Variants in BPHL observed in about 807,000 individuals in gnomAD.
The protein encoded by BPHL is serine hydrolase BPHL.
BPHL carries 27 observed loss-of-function variants against 31.2 expected under a neutral mutation model. The ratio of observed to expected loss-of-function variants is 0.87; its 90% CI spans 0.64 to 1.19. The LOEUF is 1.19. Ranked by LOEUF, BPHL falls within the 50% of genes most tolerant of loss-of-function variation. The pLI, the probability that BPHL is intolerant of heterozygous loss-of-function variation, is 0.00. For synonymous variants in BPHL, 150 were observed against 146.8 expected, an observed-to-expected ratio of 1.02 and a Z score of -0.16; for missense variants, 356 against 375.7, an observed-to-expected ratio of 0.95 and a Z score of 0.43.
intron 4 of BPHL, among the ~76,000 whole-genome samples, chr6:3,137,103 C>G (rs1246489775): frequency 6.6e-6 from 1 of 151,736 alleles, no homozygotes; most frequent in African/African-American, 2.4e-5. Context: ...TAGTGTAGGC[C>G]CTGGGGTACA....
At chr6:3,144,802 A>G (rs959280985) in intron 6 of BPHL, among the ~76,000 whole-genome samples, 3 of 152,202 alleles carry the variant, frequency 2.0e-5, no homozygotes, top group African/African-American at 2.4e-5. Context: ...TGCTCAGTGC[A>G]TGTTGAAAGA....
chr6:3,152,644 TGCCTTTGAAACTCTCC>T lies in BPHL; in HGVS notation c.*82_*97del, dbSNP rs1762557637. The T allele has an allele frequency of 2.7e-5, 38 of 1,413,126 alleles. No individual in the cohort carries two copies. The South Asian group carries it at 4.2e-4, about 16-fold the overall frequency. 87.5% of individuals were successfully genotyped at this position (1,413,126 alleles called of 1,614,324 possible). On this transcript the variant is annotated 3_prime_UTR_variant, in exon 7 of 7. Coordinates refer to ENST00000380379, the MANE Select transcript of BPHL (RefSeq NM_004332.4). The stretch of plus-strand genomic sequence containing the variant: ...ATCGTGTTGCTGCCTGTTAACATGA[TGCCTTTGAAACTCTCC>T]GCCTTTGAAACTTTCTACCCCTCCC...
At chr6:3,151,318 A>G (rs1197754272) in intron 6 of BPHL, among the ~76,000 whole-genome samples, 1 of 152,176 alleles carries the variant, frequency 6.6e-6, no homozygotes, top group African/African-American at 2.4e-5. Context: ...GGTGCAACTC[A>G]TCCTTCTTTT....
At chr6:3,141,699 C>G (rs939848785) in intron 6 of BPHL, among the ~76,000 whole-genome samples, 1 of 152,018 alleles carries the variant, frequency 6.6e-6, no homozygotes, top group Non-Finnish European at 1.5e-5. Context: ...AGGGGCTGGG[C>G]ACAGTGGCTC....
intron 5 of BPHL, among the ~76,000 whole-genome samples, chr6:3,137,867 AT>A (rs1476865762): frequency 6.6e-6 from 1 of 152,166 alleles, no homozygotes; most frequent in Non-Finnish European, 1.5e-5. Flanking sequence ...TGTGTACAAT[AT>A]TTTTTCCTTT....
intron 6 of BPHL, among the ~76,000 whole-genome samples, chr6:3,151,732 C>T (rs1290417159): frequency 3.3e-5 from 5 of 152,188 alleles, no homozygotes; most frequent in African/African-American, 9.7e-5. Context: ...GCTAATAAGT[C>T]AAATGTAGAA....
intron 6 of BPHL, among the ~76,000 whole-genome samples, chr6:3,145,579 T>TC: frequency 3.6e-5 from 2 of 55,648 alleles, no homozygotes; most frequent in South Asian, 5.2e-4. Flanking sequence ...CTGGTGTGGG[T>TC]CGGAGTGCTG....
upstream of BPHL, chr6:3,118,530 T>C (rs532132758): frequency 1.8e-5 from 7 of 387,770 alleles, no homozygotes; most frequent in South Asian, 1.4e-4. Flanking sequence ...GTGCCGGCGG[T>C]TCCAGGACTG....
chr6:3,118,528 G>C (rs2231354), upstream of BPHL: 3,995 of 386,692 alleles, frequency 0.01, 113 homozygotes, highest in African/African-American at 0.063. Flanking sequence ...GGGTGCCGGC[G>C]GTTCCAGGAC....
chr6:3,148,116 A>C (rs776166606), intron 6 of BPHL, among the ~76,000 whole-genome samples: 4 of 152,230 alleles, frequency 2.6e-5, no homozygotes, highest in Non-Finnish European at 5.9e-5. Context: ...TAGCCCAGTC[A>C]AGTTGACACA....
chr6:3,119,357 T>C, intron 1 of BPHL: 1 of 1,567,450 alleles, frequency 6.4e-7, no homozygotes, highest in South Asian at 1.2e-5. Flanking sequence ...TCTCTTTGCT[T>C]GCTGATCTCG....
intron 6 of BPHL, among the ~76,000 whole-genome samples, chr6:3,150,368 A>G (rs1762488189): frequency 1.3e-5 from 2 of 152,172 alleles, no homozygotes; most frequent in Non-Finnish European, 2.9e-5. Context: ...CATCTCACCT[A>G]TGGCATTTTG....
Position 3,119,144 on chromosome 6 carries a change from G to A in BPHL, c.107+297G>A. ...TCAGTGTGCAGACCAGAGAGACCCA[G>A]GGAGATACATTTGCCTGTAGTATGG... On this transcript the variant is annotated intron_variant, in intron 1 of 6. Transcript: ENST00000380379. 1.3e-5 allele frequency: 10 copies of A among 781,438 alleles called. No individual in the cohort carries two copies. In the South Asian group the frequency reaches 1.6e-4, roughly 13 times the overall value. 48.4% of individuals were successfully genotyped at this position (781,438 alleles called of 1,614,324 possible). A position where few individuals can be genotyped will look rare whatever the true frequency, so the allele number is the denominator to read the frequency against.
rs147676961 is a variant in BPHL at position 3,134,122 on chromosome 6, C to T, written c.533-3240C>T. On this transcript the variant is annotated intron_variant, in intron 4 of 6. Coordinates refer to ENST00000380379, the MANE Select transcript of BPHL (RefSeq NM_004332.4). ...CATTTGAGTTTCTTCTGTATTATAT[C>T]CATGTATTTTTATTGGTGAAAAGTT... is the stretch of plus-strand genomic sequence containing the variant. Among the ~76,000 whole-genome samples, 524 of 152,170 alleles carry T rather than the reference C, an allele frequency of 3.4e-3. 1 individual carries two copies. Among genetic ancestry groups the T allele is most frequent in the African/African-American group, 0.012 (501 of 41,508 alleles).
chr6:3,136,296 A>G (rs931809242), intron 4 of BPHL, among the ~76,000 whole-genome samples: 1 of 152,058 alleles, frequency 6.6e-6, no homozygotes, highest in Non-Finnish European at 1.5e-5. Context: ...TTCTTCCTAC[A>G]TCTTCTCCCC....
intron 6 of BPHL, among the ~76,000 whole-genome samples, chr6:3,146,535 T>G (rs1454906526): frequency 1.1e-3 from 6 of 5,498 alleles, no homozygotes; most frequent in African/African-American, 1.7e-3. Context: ...AGTGCTGGTT[T>G]GGGTCGAGTG....
chr6:3,119,397 G>A (rs1581455708), intron 1 of BPHL: 1 of 1,606,052 alleles, frequency 6.2e-7, no homozygotes, highest in Non-Finnish European at 8.5e-7. Flanking sequence ...ATCACGTTGG[G>A]AACTGAAAAT....
At chr6:3,135,227 A>G (rs947153093) in intron 4 of BPHL, among the ~76,000 whole-genome samples, 2 of 152,230 alleles carry the variant, frequency 1.3e-5, no homozygotes, top group Non-Finnish European at 2.9e-5. Context: ...TGGTCAACTC[A>G]GTTTTTACCA....
At chr6:3,123,447 C>T (rs999801594) in intron 1 of BPHL, among the ~76,000 whole-genome samples, 2 of 152,186 alleles carry the variant, frequency 1.3e-5, no homozygotes, top group East Asian at 1.9e-4. Flanking sequence ...GCATATCCAT[C>T]GTCTCAAACA....
Sources: gnomAD v4.1 joint callset for allele counts (sites outside exome capture counted in the v4.1 genomes callset) on GRCh38, gnomAD v4.1.1 for gene constraint, MANE v1.5 for transcripts, NCBI Gene and HGNC (gene_info 2026-07-23, HGNC 2026-07-21) for gene names.